Variants in SEC24C observed in about 807,000 individuals in gnomAD.
SEC24C encodes the protein protein transport protein Sec24C.
A neutral mutation model predicts 117.0 loss-of-function variants in SEC24C; 22 were observed. The ratio of observed to expected loss-of-function variants is 0.19; its 90% CI spans 0.13 to 0.27. The LOEUF is 0.27. Ranked by LOEUF, SEC24C falls within the 10% of genes least tolerant of loss-of-function variation. The pLI is 1.00. For missense variants in SEC24C, 1,155 were observed against 1,375.1 expected (o/e 0.84, Z 2.53); for synonymous variants, 506 against 529.4 (o/e 0.96, Z 0.61).
intron 15 of SEC24C, among the ~76,000 whole-genome samples, chr10:73,768,220 C>A (rs917768150): frequency 6.6e-6 from 1 of 152,106 alleles, no homozygotes; most frequent in African/African-American, 2.4e-5. Context: ...CCCATCTCTA[C>A]GAAAAATACA....
At position 73,769,107 on chromosome 10, in the gene SEC24C, C is replaced by A. The variant is rs768362465; in HGVS notation, c.2379C>A (p.Phe793Leu). The change falls in exon 17 of 23, where the codon TTC becomes TTA. Residue 793 changes from phenylalanine to leucine, a missense_variant. Around this residue, in one of 2 missense-constraint regions of SEC24C, gnomAD observed 759 missense variants for 992.3 expected, o/e 0.76. Coordinates refer to ENST00000345254, the MANE Select transcript of SEC24C (RefSeq NM_198597.3). This position sits in a 1 kb window ranked among gnomAD's most constrained non-coding sequence, Gnocchi z 4.5. ...LDGDKTVTVE[F>L]KHDDRLNEES... ...GGGACAAAACAGTGACTGTGGAGTT[C>A]AAGCATGACGATCGGCTCAATGAAG... is the stretch of plus-strand genomic sequence containing the variant. 2.5e-6 allele frequency: 4 copies of A among 1,614,050 alleles called. No individual in the cohort carries two copies. The African/African-American group carries it at 4.0e-5, about 16-fold the overall frequency.
chr10:73,746,158 C>CAAAAAAAA, intron 1 of SEC24C, among the ~76,000 whole-genome samples: 1 of 93,058 alleles, frequency 1.1e-5, no homozygotes, highest in Non-Finnish European at 2.0e-5. Context: ...GACTCCGTCT[C>CAAAAAAAA]AAAAAAAAAA....
At chr10:73,753,778 C>A (rs1008717592) in intron 3 of SEC24C, among the ~76,000 whole-genome samples, 1 of 152,214 alleles carries the variant, frequency 6.6e-6, no homozygotes, top group East Asian at 1.9e-4. Flanking sequence ...CCTCTGTCTT[C>A]TTTTTCTTAG....
chr10:73,746,989 C>T lies in SEC24C; in HGVS notation c.157C>T (p.Gln53Ter). The T allele has an allele frequency of 6.2e-7, 1 of 1,612,408 alleles. No homozygotes were observed. Among genetic ancestry groups the T allele is most frequent in the Non-Finnish European group, 8.5e-7 (1 of 1,179,360 alleles). ...AYNGPVPGYQ[Q>*]TPPQGMSRAP... ...CAATGGCCCAGTACCAGGCTATCAG[C>T]AAACACCTCCCCAAGGTATGTTTCT... Residue 53 changes from glutamine (Q) to a stop codon, truncating the protein, a stop_gained, in exon 2 of 23, where the codon CAA becomes TAA. Coordinates refer to ENST00000345254, the MANE Select transcript of SEC24C (RefSeq NM_198597.3). LOFTEE classifies it high-confidence loss of function.
chr10:73,759,363 A>G (rs1161329702), intron 3 of SEC24C, among the ~76,000 whole-genome samples: 1 of 152,234 alleles, frequency 6.6e-6, no homozygotes, highest in Non-Finnish European at 1.5e-5. Flanking sequence ...TAATTTAGTT[A>G]GCAGAGTAAA....
rs2082993141 is a variant in SEC24C at position 73,772,030 on chromosome 10, A to G, written c.*935A>G. 3.2e-6 allele frequency: 1 copy of G among 317,444 alleles called. No homozygotes were observed. The highest frequency in any genetic ancestry group is 5.8e-6 in the Non-Finnish European group (1 of 173,572). The allele number at this position is 317,444 out of a possible 1,614,324, so 19.7% of individuals were successfully genotyped here. Reference sequence around the variant, plus strand: ...CTGGCTTGGGGGCAGGACAAGGGCTAGGCTTGATGGTGGCCAGGCTTGCCT... The same window carrying G: ...CTGGCTTGGGGGCAGGACAAGGGCTGGGCTTGATGGTGGCCAGGCTTGCCT... On this transcript the variant is annotated 3_prime_UTR_variant, in exon 23 of 23. Coordinates refer to ENST00000345254, the MANE Select transcript of SEC24C (RefSeq NM_198597.3).
Position 73,746,887 on chromosome 10 carries a change from A to G in SEC24C, c.55A>G (p.Ile19Val), listed in dbSNP as rs754931207. 2.5e-6 allele frequency: 4 copies of G among 1,613,718 alleles called. No homozygotes were observed. Among genetic ancestry groups the G allele is most frequent in the Admixed American group, 1.7e-5 (1 of 59,966 alleles). The change falls in exon 2 of 23, where the codon ATC becomes GTC. Residue 19 changes from isoleucine to valine, a missense_variant. By Grantham distance (29) the Ile-to-Val change is conservative. This residue lies in a region of SEC24C where 396 missense variants were observed against 382.8 expected (regional missense o/e 1.03). Coordinates refer to ENST00000345254, the MANE Select transcript of SEC24C (RefSeq NM_198597.3). ...GCCACCATTTGGGCAGCCCCAGCCCATCTACCCAGGGTATCATCAGTCCAG... is the reference window on the plus strand; with the variant it reads ...GCCACCATTTGGGCAGCCCCAGCCCGTCTACCCAGGGTATCATCAGTCCAG... ...PVPPFGQPQP[I>V]YPGYHQSSYG...
chr10:73,764,081 A>G (rs1375331462), intron 8 of SEC24C, 98 bp downstream of exon 8: 2 of 1,427,368 alleles, frequency 1.4e-6, no homozygotes, highest in Non-Finnish European at 1.9e-6. Context: ...ACAATGGAAG[A>G]TATTTTAGTT....
chr10:73,765,439 T>C lies in SEC24C; in HGVS notation c.1228-12T>C, dbSNP rs1250094600. On this transcript the variant is annotated splice_polypyrimidine_tract_variant and intron_variant, in intron 8 of 22. Coordinates refer to ENST00000345254, the MANE Select transcript of SEC24C (RefSeq NM_198597.3). ...TTCCTTTATGTCTGATCCCTTCCCC[T>C]TTGCGCCTTAGGCTTCACCGTATGT... 8.7e-6 allele frequency: 14 copies of C among 1,606,920 alleles called. No homozygotes were observed. The highest frequency in any genetic ancestry group is 1.2e-5 in the Non-Finnish European group (14 of 1,173,830).
chr10:73,760,226 C>T lies in SEC24C; in HGVS notation c.690C>T (p.Leu230=), dbSNP rs1318667919. The change falls in exon 5 of 23, where the codon CTC becomes CTT. Residue 230 remains leucine (L), a synonymous_variant. Coordinates refer to ENST00000345254, the MANE Select transcript of SEC24C (RefSeq NM_198597.3). ...GGCTGCCTTCGATGACTGGTCCACT[C>T]CTGCCTGGACAGAGTTTTGGAGGGC... is the stretch of plus-strand genomic sequence containing the variant. ...GPRLPSMTGP[L]LPGQSFGGPS... The T allele has an allele frequency of 6.2e-7, 1 of 1,614,186 alleles. No homozygotes were observed. The highest frequency in any genetic ancestry group is 1.7e-5 in the Admixed American group (1 of 60,028).
Position 73,764,103 on chromosome 10 carries a change from G to A in SEC24C, c.1227+120G>A. The A allele has an allele frequency of 3.8e-6, 5 of 1,322,010 alleles. 1 individual carries two copies. The highest frequency in any genetic ancestry group is 5.1e-6 in the Non-Finnish European group (5 of 982,650). The allele number at this position is 1,322,010 out of a possible 1,614,324, so 81.9% of individuals were successfully genotyped here. On this transcript the variant is annotated intron_variant, in intron 8 of 22. Transcript: ENST00000345254. ...AAGATATTTTAGTTAGGCAGGAGAG[G>A]AGACTGTCTTTAGTGGCTTTCTATC...
chr10:73,748,827 C>G (rs1489189299), intron 2 of SEC24C, among the ~76,000 whole-genome samples: 1 of 152,168 alleles, frequency 6.6e-6, no homozygotes, highest in Non-Finnish European at 1.5e-5. Flanking sequence ...ACTGCAACCT[C>G]TGCCTCCCAG....
At position 73,763,516 on chromosome 10, in the gene SEC24C, C is replaced by T. The variant is rs767940371; in HGVS notation, c.1014C>T (p.Asn338=). 7.4e-6 allele frequency: 12 copies of T among 1,613,354 alleles called. No individual in the cohort carries two copies. The Admixed American group carries it at 1.8e-4, about 25-fold the overall frequency. ...SPIQVIEDDR[N]NRGTEPFVTG... is the part of the protein sequence containing the mutation. ...TTCAGGTCATTGAAGATGACAGGAA[C>T]AACCGGGGTACAGAGCCATTTGTTA... The change falls in exon 7 of 23, where the codon AAC becomes AAT. Residue 338 remains asparagine (N), a synonymous_variant. Transcript: ENST00000345254.
chr10:73,770,554 G>C (rs752274175), intron 21 of SEC24C, 83 bp downstream of exon 21: 1 of 1,538,822 alleles, frequency 6.5e-7, no homozygotes, highest in Middle Eastern at 1.7e-4. Context: ...TAGTGTGCTA[G>C]TACCCTCAAA....
Position 73,770,695 on chromosome 10 carries a change from A to G in SEC24C, c.3055-14A>G, listed in dbSNP as rs2082965722. 6.2e-7 allele frequency: 1 copy of G among 1,613,668 alleles called. No individual in the cohort carries two copies. Among genetic ancestry groups the G allele is most frequent in the Admixed American group, 1.7e-5 (1 of 59,988 alleles). On this transcript the variant is annotated splice_polypyrimidine_tract_variant and intron_variant, in intron 21 of 22. Transcript: ENST00000345254. ...AGTGCCTTACCATAAGGATAAATGA[A>G]TTTTGTGTTCTAGAGTGTTCTGCCA...
In SEC24C at chr10:73,770,153, G is replaced by A. The variant is rs148757238; in HGVS notation, c.2863-127G>A. 2.1e-5 allele frequency: 26 copies of A among 1,232,814 alleles called. No individual in the cohort carries two copies. In the African/African-American group the frequency reaches 3.0e-4, roughly 14 times the overall value. 76.4% of individuals were successfully genotyped at this position (1,232,814 alleles called of 1,614,324 possible). On this transcript the variant is annotated intron_variant, in intron 20 of 22. Transcript: ENST00000345254. ...TTAGCTGATGTAATTTTCACACTGA[G>A]AGAGTTACTGAGACCCCAGAAGGGG...
Position 73,769,973 on chromosome 10 carries a change from G to T in SEC24C, c.2820G>T (p.Val940=). The T allele has an allele frequency of 6.2e-7, 1 of 1,614,120 alleles. No homozygotes were observed. The highest frequency in any genetic ancestry group is 1.1e-5 in the South Asian group (1 of 91,056). ...YVRQLVTSMD[V]TETNVFFYPR... Reference sequence around the variant, plus strand: ...GACAGCTAGTTACCTCCATGGATGTGACTGAGACCAATGTCTTCTTCTACC... The same window carrying T: ...GACAGCTAGTTACCTCCATGGATGTTACTGAGACCAATGTCTTCTTCTACC... Residue 940 remains valine, a synonymous_variant, in exon 20 of 23, where the codon GTG becomes GTT. Transcript: ENST00000345254. The surrounding 1 kb of genome is among the most constrained non-coding windows in gnomAD (Gnocchi z 4.5).
At chr10:73,745,143 C>CTTT (rs1241368572) in intron 1 of SEC24C, among the ~76,000 whole-genome samples, 3 of 152,130 alleles carry the variant, frequency 2.0e-5, no homozygotes, top group Non-Finnish European at 4.4e-5. Context: ...TGCAGCAACT[C>CTTT]TGAGTGCTCC....
At chr10:73,760,903 A>G (rs2082787792) in intron 6 of SEC24C, 54 bp downstream of exon 6, 5 of 1,504,502 alleles carry the variant, frequency 3.3e-6, no homozygotes, top group Non-Finnish European at 4.5e-6. Flanking sequence ...CCAGATAGGC[A>G]GGTCAATCTA....
Sources: allele counts gnomAD v4.1 joint callset (sites outside exome capture counted in the v4.1 genomes callset), GRCh38; gene constraint gnomAD v4.1.1; regional missense constraint gnomAD v4.1.1; non-coding constraint Gnocchi (gnomAD v3.1); transcripts MANE v1.5; gene names NCBI Gene and HGNC (gene_info 2026-07-23, HGNC 2026-07-21).